The following DIAPH3 variants were observed in gnomAD, a reference collection of about 807,000 sequenced individuals.
The protein encoded by DIAPH3 is protein diaphanous homolog 3.
In DIAPH3, 117 loss-of-function variants were observed where a neutral mutation model predicts 144.3. That is an observed-to-expected ratio of 0.81 (90% CI 0.70 to 0.95). DIAPH3 has a LOEUF of 0.95. DIAPH3 is among the 40% of genes least tolerant of loss of function. The pLI, the probability that DIAPH3 is intolerant of heterozygous loss-of-function variation, is 0.00. For missense variants in DIAPH3, 1,421 were observed against 1,412.7 expected (o/e 1.01, Z -0.09); for synonymous variants, 519 against 488.9 (o/e 1.06, Z -0.81).
intron 5 of DIAPH3, among the ~76,000 whole-genome samples, chr13:60,032,720 T>C (rs1002070703): frequency 1.3e-5 from 2 of 152,232 alleles, no homozygotes; most frequent in Non-Finnish European, 2.9e-5. Context: ...CTGAAATGTC[T>C]TCAAGGTTTT....
chr13:59,938,581 C>T (rs1280010367), intron 17 of DIAPH3, among the ~76,000 whole-genome samples: 1 of 151,900 alleles, frequency 6.6e-6, no homozygotes, highest in East Asian at 1.9e-4. Context: ...TGCATTCTAG[C>T]CTGGGCAACA....
At chr13:59,878,103 T>C (rs952817564) in intron 21 of DIAPH3, among the ~76,000 whole-genome samples, 5 of 152,088 alleles carry the variant, frequency 3.3e-5, no homozygotes, top group African/African-American at 9.7e-5. Context: ...ATCACATACA[T>C]TAAAGATAGA....
chr13:60,140,001 T>C (rs566867834), intron 1 of DIAPH3, among the ~76,000 whole-genome samples: 1 of 152,310 alleles, frequency 6.6e-6, no homozygotes, highest in African/African-American at 2.4e-5. Context: ...TTTTTCATTG[T>C]CTGGAGAAGG....
intron 4 of DIAPH3, among the ~76,000 whole-genome samples, chr13:60,044,595 A>C (rs1482229158): frequency 1.3e-5 from 2 of 152,204 alleles, no homozygotes; most frequent in East Asian, 1.9e-4. Context: ...CAACAGAGAA[A>C]ATTTAGAAAA....
chr13:59,909,342 G>GT (rs60579690), intron 20 of DIAPH3, among the ~76,000 whole-genome samples: 19,788 of 126,620 alleles, frequency 0.16, 2,135 homozygotes, highest in African/African-American at 0.33. Context: ...CCAGTATTTT[G>GT]TTTTTTTTTT....
At chr13:59,819,475 A>G (rs184223613) in intron 24 of DIAPH3, among the ~76,000 whole-genome samples, 1 of 152,000 alleles carries the variant, frequency 6.6e-6, no homozygotes, top group East Asian at 1.9e-4. Flanking sequence ...TGTGATAAGC[A>G]AAGTCCTCAA....
intron 3 of DIAPH3, among the ~76,000 whole-genome samples, chr13:60,099,907 A>AGAAGAAAG (rs1158685607): frequency 2.9e-5 from 3 of 104,810 alleles, no homozygotes; most frequent in African/African-American, 1.1e-4. Flanking sequence ...AGAAAGTAAG[A>AGAAGAAAG]GAAGGAAGGA....
intron 2 of DIAPH3, among the ~76,000 whole-genome samples, chr13:60,129,248 T>C (rs2138206712): frequency 6.6e-6 from 1 of 152,294 alleles, no homozygotes; most frequent in South Asian, 2.1e-4. Context: ...CCAACCTTTT[T>C]GCCTCTATGA....
chr13:60,076,672 A>T (rs1352792237), intron 4 of DIAPH3, among the ~76,000 whole-genome samples: 1 of 152,096 alleles, frequency 6.6e-6, no homozygotes, highest in Non-Finnish European at 1.5e-5. Flanking sequence ...TACTTTCTAA[A>T]TTTTCTGCAA....
chr13:60,001,270 C>A (rs1275830939), intron 9 of DIAPH3, among the ~76,000 whole-genome samples: 4 of 152,136 alleles, frequency 2.6e-5, no homozygotes, highest in African/African-American at 9.7e-5. Context: ...GATTTGATTA[C>A]CATTACCTAC....
intron 4 of DIAPH3, among the ~76,000 whole-genome samples, chr13:60,065,295 A>G (rs2056914617): frequency 6.6e-6 from 1 of 150,972 alleles, no homozygotes; most frequent in Non-Finnish European, 1.5e-5. Flanking sequence ...GCAAAGACCA[A>G]TAAAGCAAGG....
intron 17 of DIAPH3, among the ~76,000 whole-genome samples, chr13:59,949,401 T>A (rs2048982589): frequency 6.6e-6 from 1 of 152,186 alleles, no homozygotes; most frequent in Non-Finnish European, 1.5e-5. Context: ...AGTCTATATC[T>A]CTAGTCCTAC....
intron 5 of DIAPH3, among the ~76,000 whole-genome samples, chr13:60,034,109 G>A (rs959454007): frequency 6.6e-6 from 1 of 152,158 alleles, no homozygotes; most frequent in Non-Finnish European, 1.5e-5. Context: ...TTTGTATGTA[G>A]AGTACTAATA....
At chr13:59,734,852 T>A (rs999984610) in intron 27 of DIAPH3, among the ~76,000 whole-genome samples, 17 of 152,208 alleles carry the variant, frequency 1.1e-4, no homozygotes, top group African/African-American at 3.9e-4. Flanking sequence ...TTTCTTGAAG[T>A]ATCTAACATT....
At chr13:59,939,796 A>C (rs1409806888) in intron 17 of DIAPH3, among the ~76,000 whole-genome samples, 3 of 151,536 alleles carry the variant, frequency 2.0e-5, no homozygotes, top group Non-Finnish European at 4.4e-5. Flanking sequence ...TTTCTAGTTA[A>C]ACAATACATA....
intron 5 of DIAPH3, among the ~76,000 whole-genome samples, chr13:60,036,622 CT>C (rs2055248047): frequency 6.6e-6 from 1 of 151,970 alleles, no homozygotes; most frequent in Non-Finnish European, 1.5e-5. Context: ...CCAATAAAAC[CT>C]TTACTCCACC....
chr13:60,083,567 A>T (rs963710796), intron 4 of DIAPH3, among the ~76,000 whole-genome samples: 1 of 152,074 alleles, frequency 6.6e-6, no homozygotes, highest in Non-Finnish European at 1.5e-5. Flanking sequence ...CCACAAATAC[A>T]CACATCAGCA....
chr13:59,802,431 T>G (rs1264960752), intron 25 of DIAPH3, among the ~76,000 whole-genome samples: 1 of 151,310 alleles, frequency 6.6e-6, no homozygotes, highest in Non-Finnish European at 1.5e-5. Context: ...TTTAATTAAT[T>G]TACTTATCAA....
intron 13 of DIAPH3, among the ~76,000 whole-genome samples, chr13:59,983,029 T>G (rs2051119176): frequency 6.6e-6 from 1 of 151,240 alleles, no homozygotes; most frequent in African/African-American, 2.4e-5. Flanking sequence ...ATCGGCCATT[T>G]TCTTTGAAGT....
Sources: allele counts gnomAD v4.1 joint callset (sites outside exome capture counted in the v4.1 genomes callset), GRCh38; gene constraint gnomAD v4.1.1; transcripts MANE v1.5; gene names NCBI Gene and HGNC (gene_info 2026-07-23, HGNC 2026-07-21).